The following OSBPL10 variants were observed in gnomAD, a reference collection of about 807,000 sequenced individuals.
The protein encoded by OSBPL10 is oxysterol-binding protein-related protein 10.
Under a neutral mutation model 81.7 loss-of-function variants are expected in OSBPL10, and 49 were observed. The ratio of observed to expected loss-of-function variants is 0.60; its 90% CI spans 0.48 to 0.76. The LOEUF (loss-of-function observed/expected upper bound fraction) is 0.76, where lower values mean the gene tolerates loss of function less well. OSBPL10 is among the 30% of genes least tolerant of loss of function. OSBPL10 has a pLI of 0.00. For missense variants in OSBPL10, 923 were observed against 987.8 expected, an observed-to-expected ratio of 0.93 and a Z score of 0.88; for synonymous variants, 419 against 383.6, an observed-to-expected ratio of 1.09 and a Z score of -1.08.
In OSBPL10 at chr3:31,854,641, TGAAAA is replaced by T. The variant is rs571648550; in HGVS notation, c.537+21787_537+21791del. Among the ~76,000 whole-genome samples the T allele has an allele frequency of 2.2e-4, 34 of 152,314 alleles. No homozygotes were observed. In the East Asian group the frequency reaches 6.0e-3, roughly 27 times the overall value. On this transcript the variant is annotated intron_variant, in intron 3 of 11. Transcript: ENST00000396556. ...AAATAATTTCAAACTTATAGAAAGT[TGAAAA>T]GAAAACCCACCACGTATCCTTTACT...
intron 1 of OSBPL10, among the ~76,000 whole-genome samples, chr3:31,939,247 C>T (rs1470285177): frequency 1.3e-5 from 2 of 149,614 alleles, no homozygotes; most frequent in African/African-American, 2.5e-5. Context: ...CAGGTTCAAA[C>T]GATTCTCCTG....
intron 2 of OSBPL10, among the ~76,000 whole-genome samples, chr3:32,004,396 T>A (rs1699182770): frequency 6.6e-6 from 1 of 152,172 alleles, no homozygotes; most frequent in Non-Finnish European, 1.5e-5. Context: ...AAGGATTGCA[T>A]ATTAATTCTG....
intron 2 of OSBPL10, chr3:31,990,983 C>A (rs1699021374): frequency 1.9e-6 from 3 of 1,560,354 alleles, no homozygotes; most frequent in Non-Finnish European, 2.6e-6. Context: ...AGTTAGAGGT[C>A]ACTCCTTGCA....
chr3:32,008,087 G>A (rs55660839), intron 2 of OSBPL10, among the ~76,000 whole-genome samples: 52,061 of 151,924 alleles, frequency 0.34, 10,287 homozygotes, highest in East Asian at 0.6. Context: ...GATGTAGACA[G>A]TGTAGACATT....
chr3:32,070,749 T>G (rs1437367442), intron 1 of OSBPL10, among the ~76,000 whole-genome samples: 1 of 152,210 alleles, frequency 6.6e-6, no homozygotes, highest in Non-Finnish European at 1.5e-5. Context: ...GTTTTGCCTA[T>G]CCACCCTGTG....
intron 3 of OSBPL10, among the ~76,000 whole-genome samples, chr3:31,868,066 A>T (rs1180684181): frequency 6.6e-6 from 1 of 152,088 alleles, no homozygotes; most frequent in Admixed American, 6.6e-5. Flanking sequence ...AAGAAAAAAA[A>T]AAAAGACGGG....
At chr3:31,857,425 C>CT (rs1299362227) in intron 3 of OSBPL10, among the ~76,000 whole-genome samples, 1 of 152,016 alleles carries the variant, frequency 6.6e-6, no homozygotes, top group Non-Finnish European at 1.5e-5. Flanking sequence ...GATGTTAAGA[C>CT]TTTCAAGTGA....
chr3:31,919,486 G>GTTT (rs1336846640), intron 1 of OSBPL10: 2 of 152,150 alleles, frequency 1.3e-5, no homozygotes, highest in African/African-American at 4.8e-5. Flanking sequence ...GAGAGGAAGT[G>GTTT]TTTTCTCCCT....
At chr3:31,925,072 G>A (rs1023181744) in intron 1 of OSBPL10, among the ~76,000 whole-genome samples, 1 of 152,142 alleles carries the variant, frequency 6.6e-6, no homozygotes, top group Non-Finnish European at 1.5e-5. Context: ...GCACCTGGCT[G>A]TCACCAAAAA....
At chr3:31,930,765 AGCACTTTGGGAG>A (rs1204342343) in intron 1 of OSBPL10, among the ~76,000 whole-genome samples, 2 of 152,160 alleles carry the variant, frequency 1.3e-5, no homozygotes, top group South Asian at 4.1e-4. Flanking sequence ...CTATAATCCC[AGCACTTTGGGAG>A]GCCGAGGCGG....
At chr3:31,685,203 G>C (rs1376023132) in intron 7 of OSBPL10, among the ~76,000 whole-genome samples, 1 of 152,000 alleles carries the variant, frequency 6.6e-6, no homozygotes, top group Non-Finnish European at 1.5e-5. Context: ...CAAATATCGG[G>C]TATTTTTTGT....
At chr3:31,858,909 T>C (rs1438665790) in intron 3 of OSBPL10, among the ~76,000 whole-genome samples, 1 of 152,236 alleles carries the variant, frequency 6.6e-6, no homozygotes, top group South Asian at 2.1e-4. Context: ...AGGTAGAACT[T>C]GGCTTAACAA....
At chr3:31,871,121 C>T (rs1701312834) in intron 3 of OSBPL10, among the ~76,000 whole-genome samples, 1 of 152,074 alleles carries the variant, frequency 6.6e-6, no homozygotes, top group South Asian at 2.1e-4. Context: ...AACCCGTTCC[C>T]GTCCCCTTCT....
chr3:31,944,924 G>A (rs193015260), intron 1 of OSBPL10, among the ~76,000 whole-genome samples: 40 of 148,996 alleles, frequency 2.7e-4, no homozygotes, highest in African/African-American at 7.9e-4. Flanking sequence ...AGGCTGAGGC[G>A]GGCAGATCCT....
chr3:32,072,030 C>A (rs1166643722), intron 1 of OSBPL10, among the ~76,000 whole-genome samples: 1 of 152,076 alleles, frequency 6.6e-6, no homozygotes. Context: ...TACCACTCTG[C>A]CCCCCTCTAC....
At chr3:31,846,004 G>C (rs1700620038) in intron 3 of OSBPL10, among the ~76,000 whole-genome samples, 1 of 152,138 alleles carries the variant, frequency 6.6e-6, no homozygotes, top group Non-Finnish European at 1.5e-5. Context: ...TTTTAAAATA[G>C]CTATTTTTAA....
At chr3:31,938,925 TC>T (rs1697459204) in intron 1 of OSBPL10, among the ~76,000 whole-genome samples, 2 of 152,172 alleles carry the variant, frequency 1.3e-5, no homozygotes, top group African/African-American at 4.8e-5. Context: ...GCCTTCAACT[TC>T]CTGCCCACCC....
intron 6 of OSBPL10, among the ~76,000 whole-genome samples, chr3:31,706,578 C>T (rs1043372156): frequency 1.3e-5 from 2 of 151,912 alleles, no homozygotes; most frequent in Non-Finnish European, 2.9e-5. Flanking sequence ...GCTATGCCAC[C>T]GAGGCCAAAG....
intron 2 of OSBPL10, among the ~76,000 whole-genome samples, chr3:31,878,824 TG>T (rs1701549404): frequency 8.1e-6 from 1 of 122,758 alleles, no homozygotes; most frequent in African/African-American, 2.7e-5. Flanking sequence ...CATGTGTGTG[TG>T]TGTGTGTGTG....
Sources: allele counts gnomAD v4.1 joint callset (sites outside exome capture counted in the v4.1 genomes callset), GRCh38; gene constraint gnomAD v4.1.1; transcripts MANE v1.5; gene names NCBI Gene and HGNC (gene_info 2026-07-23, HGNC 2026-07-21).